PCBP3: variants seen among roughly 807,000 people sequenced by gnomAD.
The protein encoded by PCBP3 is poly(rC)-binding protein 3.
In PCBP3, 25 loss-of-function variants were observed where a neutral mutation model predicts 52.7. The observed-to-expected ratio is 0.47, with a 90% confidence interval of 0.35 to 0.66. The LOEUF is 0.66. Ranked by LOEUF, PCBP3 falls within the 30% of genes least tolerant of loss-of-function variation. PCBP3 has a pLI of 0.01. For synonymous variants in PCBP3, 162 were observed against 183.0 expected (o/e 0.89, Z 0.93); for missense variants, 391 against 490.3 (o/e 0.80, Z 1.91).
intron 11 of PCBP3, among the ~76,000 whole-genome samples, chr21:45,913,144 CAG>C (rs1012815285): frequency 7.2e-5 from 11 of 152,224 alleles, no homozygotes; most frequent in African/African-American, 2.7e-4. Context: ...GACAGTTAGA[CAG>C]GGGACTCACC....
At chr21:45,744,137 T>C (rs2086655735) in intron 3 of PCBP3, 1 of 151,634 alleles carries the variant, frequency 6.6e-6, no homozygotes, top group African/African-American at 2.4e-5. Flanking sequence ...TATATACATA[T>C]GTATGTATAT....
At chr21:45,733,730 AG>A (rs1179860877) in intron 2 of PCBP3, among the ~76,000 whole-genome samples, 1 of 152,170 alleles carries the variant, frequency 6.6e-6, no homozygotes, top group Non-Finnish European at 1.5e-5. Flanking sequence ...CCTCCCAAGT[AG>A]TTGGGATTAC....
chr21:45,706,309 A>G (rs552792473), intron 2 of PCBP3, among the ~76,000 whole-genome samples: 1 of 152,152 alleles, frequency 6.6e-6, no homozygotes, highest in African/African-American at 2.4e-5. Flanking sequence ...CACAGCATCT[A>G]GCAGCAGGTT....
chr21:45,842,099 G>A (rs1422615938), intron 4 of PCBP3, among the ~76,000 whole-genome samples: 1 of 152,180 alleles, frequency 6.6e-6, no homozygotes. Flanking sequence ...TTTCTTCCAG[G>A]CGATTCTCTG....
intron 2 of PCBP3, among the ~76,000 whole-genome samples, chr21:45,697,663 C>T (rs1016374648): frequency 4.6e-5 from 7 of 151,364 alleles, no homozygotes; most frequent in South Asian, 2.1e-4. Flanking sequence ...GAGGATTGCT[C>T]GAGCCTGGCC....
intron 4 of PCBP3, among the ~76,000 whole-genome samples, chr21:45,756,674 C>G (rs1442545341): frequency 6.6e-6 from 1 of 152,200 alleles, no homozygotes; most frequent in Non-Finnish European, 1.5e-5. Flanking sequence ...ACCCCAGGAG[C>G]AGTCACTCCC....
chr21:45,689,282 A>G (rs2082329709), intron 2 of PCBP3, among the ~76,000 whole-genome samples: 1 of 152,124 alleles, frequency 6.6e-6, no homozygotes, highest in Non-Finnish European at 1.5e-5. Flanking sequence ...CTAGGAATGC[A>G]AGGTTGGTTT....
At chr21:45,908,539 A>C (rs1184613306) in intron 9 of PCBP3, among the ~76,000 whole-genome samples, 1 of 152,310 alleles carries the variant, frequency 6.6e-6, no homozygotes, top group South Asian at 2.1e-4. Flanking sequence ...ATCGTAACTC[A>C]GGCATAATGG....
At position 45,800,001 on chromosome 21, in the gene PCBP3, G is replaced by A. The variant is rs2092228422; in HGVS notation, c.-126+44549G>A. The stretch of plus-strand genomic sequence containing the variant: ...GTGGCTTGGACAGCTGTCGGGGAGG[G>A]TCCTCTCAGCTCCCGCGCCCTCTGC... On this transcript the variant is annotated intron_variant, in intron 4 of 17. Coordinates refer to ENST00000681687, the MANE Select transcript of PCBP3 (RefSeq NM_001384156.1). The surrounding 1 kb of genome is among the most constrained non-coding windows in gnomAD (Gnocchi z 5.3). 6.6e-6 allele frequency among the ~76,000 whole-genome samples: 1 copy of A among 152,118 alleles called. No homozygotes were observed. The highest frequency in any genetic ancestry group is 2.4e-5 in the African/African-American group (1 of 41,416).
At position 45,832,128 on chromosome 21, in the gene PCBP3, G is replaced by A. The variant is rs542826858; in HGVS notation, c.-125-17833G>A. ...CTTGATTGTATACTAAACAAAGGGG[G>A]GATTATTCATGAGTGTTCTGGGAAA... On this transcript the variant is annotated intron_variant, in intron 4 of 17. Transcript: ENST00000681687. 2.0e-5 allele frequency among the ~76,000 whole-genome samples: 3 copies of A among 152,278 alleles called. No individual in the cohort carries two copies. The East Asian group carries it at 5.8e-4, about 29-fold the overall frequency.
chr21:45,689,231 T>TA (rs1470319216), intron 2 of PCBP3, among the ~76,000 whole-genome samples: 2 of 151,876 alleles, frequency 1.3e-5, no homozygotes, highest in African/African-American at 4.8e-5. Flanking sequence ...GGAAGATAGG[T>TA]AGGTAGGTAG....
In PCBP3 at chr21:45,833,567, G is replaced by GTTCT. The variant is rs544947925; in HGVS notation, c.-125-16394_-125-16393insTTCT. On this transcript the variant is annotated intron_variant, in intron 4 of 17. Coordinates refer to ENST00000681687, the MANE Select transcript of PCBP3 (RefSeq NM_001384156.1). ...ATGTCAGGAGAGTGGGTGGAGGAGG[G>GTTCT]GAGAAGGGCTTCTCAGGACAGAGGG... Among the ~76,000 whole-genome samples the GTTCT allele has an allele frequency of 7.2e-4, 109 of 152,364 alleles. 1 individual carries two copies. The East Asian group carries it at 0.02, about 28-fold the overall frequency.
At position 45,643,774 on chromosome 21, in the gene PCBP3, C is replaced by A; in HGVS notation, c.-373C>A. On this transcript the variant is annotated 5_prime_UTR_variant, in exon 1 of 18. Coordinates refer to ENST00000681687, the MANE Select transcript of PCBP3 (RefSeq NM_001384156.1). ...GCCGCCGCTTCGGCTGACTTAGGCT[C>A]CGCCGCCGCCTCCTCACCCGCCTCG... 6.7e-6 allele frequency: 1 copy of A among 148,804 alleles called. No individual in the cohort carries two copies. 9.2% of individuals were successfully genotyped at this position (148,804 alleles called of 1,614,324 possible).
At chr21:45,871,886 G>C (rs546393809) in intron 5 of PCBP3, 10 of 152,374 alleles carry the variant, frequency 6.6e-5, no homozygotes, top group African/African-American at 2.4e-4. Flanking sequence ...TCCTGCTGCG[G>C]TGACAGTTCC....
chr21:45,797,362 TC>T (rs2091978290), intron 4 of PCBP3, among the ~76,000 whole-genome samples: 1 of 125,918 alleles, frequency 7.9e-6, no homozygotes, highest in Non-Finnish European at 1.7e-5. Flanking sequence ...AGTGCATGGA[TC>T]CACAGAGAGT....
intron 12 of PCBP3, chr21:45,914,444 T>A (rs1297952150): frequency 2.8e-6 from 1 of 362,310 alleles, no homozygotes; most frequent in Non-Finnish European, 5.0e-6. Flanking sequence ...GATGTGCTTG[T>A]AGCAGGGACG....
In PCBP3 at chr21:45,681,968, C is replaced by T. The variant is rs1236255366; in HGVS notation, c.-200+13016C>T. ...TATAGACCAAAAAAGAACAAAGGCT[C>T]AGAAATCTGGGGGGCTATGAAAAAA... On this transcript the variant is annotated intron_variant, in intron 2 of 17. Coordinates refer to ENST00000681687, the MANE Select transcript of PCBP3 (RefSeq NM_001384156.1). Among the ~76,000 whole-genome samples the T allele has an allele frequency of 2.0e-5, 3 of 152,024 alleles. No homozygotes were observed. In the South Asian group the frequency reaches 6.2e-4, roughly 32 times the overall value.
intron 16 of PCBP3, among the ~76,000 whole-genome samples, chr21:45,939,560 G>A (rs531098102): frequency 5.3e-5 from 8 of 152,378 alleles, no homozygotes; most frequent in African/African-American, 1.9e-4. Flanking sequence ...TCAAGCACAC[G>A]TTTCTTCTTG....
At chr21:45,922,512 A>G (rs955389529) in intron 13 of PCBP3, among the ~76,000 whole-genome samples, 1 of 151,968 alleles carries the variant, frequency 6.6e-6, no homozygotes, top group African/African-American at 2.4e-5. Flanking sequence ...CAGAGATTGC[A>G]CCACTGCACT....
Sources: allele counts gnomAD v4.1 joint callset (sites outside exome capture counted in the v4.1 genomes callset), GRCh38; gene constraint gnomAD v4.1.1; non-coding constraint Gnocchi (gnomAD v3.1); transcripts MANE v1.5; gene names NCBI Gene and HGNC (gene_info 2026-07-23, HGNC 2026-07-21).